GNB2: variants seen among roughly 807,000 people sequenced by gnomAD.
GNB2 encodes the protein guanine nucleotide-binding protein G(I)/G(S)/G(T) subunit beta-2.
Under a neutral mutation model 40.7 loss-of-function variants are expected in GNB2, and 7 were observed. That is an observed-to-expected ratio of 0.17 (90% CI 0.10 to 0.32). GNB2 has a LOEUF of 0.32. GNB2 is among the 10% of genes least tolerant of loss of function. The pLI is 1.00. For synonymous variants in GNB2, 254 were observed against 191.2 expected (o/e 1.33, Z -2.71); for missense variants, 286 against 473.0 (o/e 0.60, Z 3.67).
At chr7:100,674,167 C>T (rs1804301213) in intron 1 of GNB2, among the ~76,000 whole-genome samples, 1 of 152,056 alleles carries the variant, frequency 6.6e-6, no homozygotes, top group African/African-American at 2.4e-5. Flanking sequence ...CCCCAGACCC[C>T]AGCCCAGCCC....
chr7:100,676,643 G>A, intron 3 of GNB2, 50 bp from the exon 4 acceptor site: 1 of 1,545,482 alleles, frequency 6.5e-7, no homozygotes, highest in Non-Finnish European at 8.9e-7. Context: ...GCTGCCCTCT[G>A]CAGTCCTGCT....
chr7:100,678,557 G>C lies in GNB2; in HGVS notation c.859G>C (p.Ala287Pro). Residue 287 changes from alanine (A) to proline (P), a missense_variant, in exon 9 of 10, where the codon GCT (alanine) becomes CCT (proline). Ala to Pro is a conservative substitution (Grantham distance 27). Transcript: ENST00000303210. ...CTCGCGCAGCGGACGGCTGCTGCTC[G>C]CTGGCTACGACGACTTCAACTGCAA... ...AFSRSGRLLL[A>P]GYDDFNCNIW... The C allele has an allele frequency of 6.2e-7, 1 of 1,613,860 alleles. No homozygotes were observed.
chr7:100,677,707 C>T, intron 6 of GNB2, 45 bp from the exon 7 acceptor site: 1 of 1,612,118 alleles, frequency 6.2e-7, no homozygotes, highest in Non-Finnish European at 8.5e-7. Flanking sequence ...TTGGGGGGTG[C>T]ACTGCCCTCC....
At chr7:100,676,506 C>G (rs772783518) in intron 2 of GNB2, 29 bp from the exon 3 acceptor site, 1 of 1,590,814 alleles carries the variant, frequency 6.3e-7, no homozygotes, top group Non-Finnish European at 8.6e-7. Context: ...TCTTCTCTCG[C>G]GTCTCTCTGG....
Position 100,676,446 on chromosome 7 carries a change from C to T in GNB2, c.58-89C>T, listed in dbSNP as rs1804349170. The T allele has an allele frequency of 4.6e-6, 6 of 1,306,170 alleles. No homozygotes were observed. In the Middle Eastern group the frequency reaches 9.1e-4, roughly 198 times the overall value. 80.9% of individuals were successfully genotyped at this position (1,306,170 alleles called of 1,614,324 possible). A position where few individuals can be genotyped will look rare whatever the true frequency, so the allele number is the denominator to read the frequency against. On this transcript the variant is annotated intron_variant, in intron 2 of 9. Coordinates refer to ENST00000303210, the MANE Select transcript of GNB2 (RefSeq NM_005273.4). ...CCCCTTAATGGCTCAGAATCTGACC[C>T]TGTCCACTCCTGTCTTCTGTTCTCT...
At chr7:100,676,414 G>T in intron 2 of GNB2, 92 bp downstream of exon 2, 1 of 1,277,092 alleles carries the variant, frequency 7.8e-7, no homozygotes, top group South Asian at 1.2e-5. Flanking sequence ...GGAAGGGGGA[G>T]GGAGGGCCCC....
At chr7:100,678,365 A>C in intron 8 of GNB2, 33 bp from the exon 9 acceptor site, 4 of 1,605,134 alleles carry the variant, frequency 2.5e-6, no homozygotes, top group South Asian at 1.1e-5. Flanking sequence ...CCTCACCCTC[A>C]CCCTCACCCC....
intron 1 of GNB2, chr7:100,675,918 T>G: frequency 3.7e-6 from 1 of 272,274 alleles, no homozygotes; most frequent in Non-Finnish European, 6.9e-6. Context: ...CTGCCCGGGC[T>G]GTGTCCGAGG....
intron 4 of GNB2, 55 bp downstream of exon 4, chr7:100,676,854 G>A (rs996007173): frequency 1.9e-6 from 2 of 1,046,128 alleles, no homozygotes; most frequent in Non-Finnish European, 2.8e-6. Context: ...CAGGCCGTGG[G>A]AGCAGCCTCA....
rs1804291956 is a variant in GNB2, at chr7:100,673,818, C to CCGCCGCCGCCGCCGG, written c.-181_-180insGCGCCGCCGCCGCCG. The CCGCCGCCGCCGCCGG allele has an allele frequency of 1.7e-4, 1 of 5,762 alleles. No individual in the cohort carries two copies. The highest frequency in any genetic ancestry group is 3.1e-4 in the Non-Finnish European group (1 of 3,240). The allele number at this position is 5,762 out of a possible 1,614,324, so 0.4% of individuals were successfully genotyped here. On this transcript the variant is annotated 5_prime_UTR_variant, in exon 1 of 10. Transcript: ENST00000303210. ...GGGCCACTGAGGAAATCCATCCGCGCCGCCGCCGCCGCCGCCGCCGCCGCC... is the reference window on the plus strand; with the variant it reads ...GGGCCACTGAGGAAATCCATCCGCGCCGCCGCCGCCGCCGGCGCCGCCGCCGCCGCCGCCGCCGCC...
intron 7 of GNB2, 55 bp from the exon 8 acceptor site, chr7:100,678,043 G>GA: frequency 7.0e-7 from 1 of 1,425,028 alleles, no homozygotes; most frequent in Non-Finnish European, 9.9e-7. Context: ...GGAGAACAGG[G>GA]ACTCTGTTCT....
Position 100,676,298 on chromosome 7 carries a change from C to T in GNB2, c.33C>T (p.Ala11=), listed in dbSNP as rs375195672. The T allele has an allele frequency of 1.0e-5, 16 of 1,607,872 alleles. No individual in the cohort carries two copies. The highest frequency in any genetic ancestry group is 2.2e-5 in the East Asian group (1 of 44,814). The change falls in exon 2 of 10, where the codon GCC becomes GCT. Residue 11 remains alanine, a synonymous_variant. Transcript: ENST00000303210. ...AGCTGGAGCAACTGAGACAGGAGGC[C>T]GAGCAGCTCCGGAACCAGATCCGGG... is the stretch of plus-strand genomic sequence containing the variant. MSELEQLRQE[A]EQLRNQIRDA...
In GNB2 at chr7:100,677,645, C is replaced by T; in HGVS notation, c.415C>T (p.Leu139=). The T allele has an allele frequency of 6.2e-7, 1 of 1,613,420 alleles. No individual in the cohort carries two copies. Among genetic ancestry groups the T allele is most frequent in the South Asian group, 1.1e-5 (1 of 91,066 alleles). ...REGNVRVSRE[L]PGHTGYLSCC... ...GGGCAACGTCAGGGTCAGCCGGGAG[C>T]TGCCTGGCCACACTGGTGAGGGGCC... The change falls in exon 6 of 10, where the codon CTG becomes TTG. Residue 139 remains leucine (L), a synonymous_variant. Transcript: ENST00000303210.
chr7:100,676,096 C>T, intron 1 of GNB2, 81 bp from the exon 2 acceptor site: 1 of 545,708 alleles, frequency 1.8e-6, no homozygotes, highest in South Asian at 2.4e-5. Flanking sequence ...TTGCTTACCC[C>T]TTCCGGGCCG....
At chr7:100,677,162 C>T (rs1222007281) in intron 4 of GNB2, 190 bp from the exon 5 acceptor site, 2 of 606,512 alleles carry the variant, frequency 3.3e-6, no homozygotes, top group Non-Finnish European at 5.9e-6. Flanking sequence ...GTAGTCCCAG[C>T]TATGCGGGGG....
chr7:100,676,255 G>T lies in GNB2; in HGVS notation c.-11G>T, dbSNP rs1360052411. On this transcript the variant is annotated 5_prime_UTR_variant, in exon 2 of 10. Coordinates refer to ENST00000303210, the MANE Select transcript of GNB2 (RefSeq NM_005273.4). ...CAGCCGCCCCCAACCCTGCCCCACG[G>T]GCCCGGCGCCATGAGTGAGCTGGAG... The T allele has an allele frequency of 1.3e-6, 2 of 1,594,372 alleles. No homozygotes were observed. Among genetic ancestry groups the T allele is most frequent in the Non-Finnish European group, 1.7e-6 (2 of 1,170,448 alleles).
At chr7:100,678,638 G>C (rs1355233506) in intron 9 of GNB2, 24 bp downstream of exon 9, 2 of 1,607,902 alleles carry the variant, frequency 1.2e-6, no homozygotes, top group Non-Finnish European at 1.7e-6. Context: ...CCCAGGCTGG[G>C]TGGGCAGGGA....
intron 9 of GNB2, 33 bp downstream of exon 9, chr7:100,678,647 G>A (rs777710481): frequency 1.2e-6 from 2 of 1,607,808 alleles, no homozygotes; most frequent in Admixed American, 1.7e-5. Flanking sequence ...GGTGGGCAGG[G>A]ACCTGGAGCC....
chr7:100,676,476 TC>T (rs1804350282), intron 2 of GNB2, 58 bp from the exon 3 acceptor site: 15 of 1,454,502 alleles, frequency 1.0e-5, no homozygotes, highest in Non-Finnish European at 1.4e-5. Context: ...TTCTCTTCTC[TC>T]CCTTTCCTCC....
Sources: allele counts gnomAD v4.1 joint callset (sites outside exome capture counted in the v4.1 genomes callset), GRCh38; gene constraint gnomAD v4.1.1; transcripts MANE v1.5; gene names NCBI Gene and HGNC (gene_info 2026-07-23, HGNC 2026-07-21).